Variants in DNAJC4 observed in about 807,000 individuals in gnomAD.
DNAJC4 encodes DnaJ heat shock protein family (Hsp40) member C4, also known as dnaJ homolog subfamily C member 4.
DNAJC4 carries 26 observed loss-of-function variants against 26.8 expected under a neutral mutation model. The observed-to-expected ratio is 0.97, with a 90% CI of 0.71 to 1.34. The LOEUF (loss-of-function observed/expected upper bound fraction) is 1.34. Ranked by LOEUF, DNAJC4 falls within the 40% of genes most tolerant of loss-of-function variation. DNAJC4 has a pLI of 0.00. For missense variants in DNAJC4, 342 were observed against 321.1 expected, an observed-to-expected ratio of 1.07 and a Z score of -0.50; for synonymous variants, 134 against 127.8, an observed-to-expected ratio of 1.05 and a Z score of -0.33.
chr11:64,234,261 C>A lies in DNAJC4; in HGVS notation c.*77C>A. On this transcript the variant is annotated 3_prime_UTR_variant, in exon 6 of 6. Coordinates refer to ENST00000628077, the MANE Select transcript of DNAJC4 (RefSeq NM_005528.4). This position sits in a 1 kb window ranked among gnomAD's most constrained non-coding sequence, Gnocchi z 5.3. Reference sequence around the variant, plus strand: ...TGGACGGCCCGCTCCCCGAAACGCGCGCAATAAAGTGATTCGCAGAGCTCG... The same window carrying A: ...TGGACGGCCCGCTCCCCGAAACGCGAGCAATAAAGTGATTCGCAGAGCTCG... The A allele has an allele frequency of 6.7e-7, 1 of 1,486,724 alleles. No individual in the cohort carries two copies. The highest frequency in any genetic ancestry group is 9.0e-7 in the Non-Finnish European group (1 of 1,114,634). 92.1% of individuals were successfully genotyped at this position (1,486,724 alleles called of 1,614,324 possible).
intron 1 of DNAJC4, chr11:64,231,283 A>C: frequency 2.8e-6 from 1 of 355,226 alleles, no homozygotes; most frequent in Non-Finnish European, 5.3e-6. Flanking sequence ...TGCTCTGGAG[A>C]TTCTGAACTG....
chr11:64,232,635 G>C lies in DNAJC4; in HGVS notation c.365+21G>C, dbSNP rs778629748. 3.2e-6 allele frequency: 5 copies of C among 1,580,592 alleles called. No homozygotes were observed. The African/African-American group carries it at 5.4e-5, about 17-fold the overall frequency. On this transcript the variant is annotated intron_variant, in intron 3 of 5. Transcript: ENST00000628077. ...CACAGGTACAGTAATCCTGCCCTCA[G>C]CTTGCCCCACCCCCAGGTCTCTTGG...
intron 2 of DNAJC4, chr11:64,232,217 T>A (rs1251341968): frequency 9.6e-6 from 7 of 725,420 alleles, no homozygotes; most frequent in East Asian, 8.1e-5. Context: ...ATATGGTGAA[T>A]GCAGGGGGCT....
At position 64,232,555 on chromosome 11, in the gene DNAJC4, T is replaced by G. The variant is rs766577923; in HGVS notation, c.306T>G (p.Gly102=). ...GCTATGATGACCAGCTCCGCTCAGG[T>G]AGTCCCCCAAAGTCTCCACGAACCA... is the stretch of plus-strand genomic sequence containing the variant. ...RRSYDDQLRS[G]SPPKSPRTTV... Residue 102 remains glycine, a synonymous_variant, in exon 3 of 6, where the codon GGT becomes GGG. Coordinates refer to ENST00000628077, the MANE Select transcript of DNAJC4 (RefSeq NM_005528.4). 10 of 1,612,584 alleles carry G rather than the reference T, an allele frequency of 6.2e-6. No homozygotes were observed. In the South Asian group the frequency reaches 1.1e-4, roughly 18 times the overall value.
intron 4 of DNAJC4, 105 bp downstream of exon 4, chr11:64,232,970 G>C (rs1407213462): frequency 7.4e-7 from 1 of 1,343,230 alleles, no homozygotes; most frequent in Non-Finnish European, 9.8e-7. Context: ...GTACTCTTGT[G>C]TCTCTCAAGC....
Position 64,230,712 on chromosome 11 carries a change from C to T in DNAJC4, c.-143C>T, listed in dbSNP as rs948423403. 1.7e-6 allele frequency: 2 copies of T among 1,172,876 alleles called. No homozygotes were observed. The highest frequency in any genetic ancestry group is 1.9e-4 in the Middle Eastern group (1 of 5,184). The allele number at this position is 1,172,876 out of a possible 1,614,324, so 72.7% of individuals were successfully genotyped here. ...GGGTCTGGTCCTGGGCAAGAACCGC[C>T]CCCTCTCCGGGCCTGCTTCAGTCTT... On this transcript the variant is annotated 5_prime_UTR_variant, in exon 1 of 6. Transcript: ENST00000628077.
Position 64,230,662 on chromosome 11 carries a change from G to A in DNAJC4, c.-193G>A. 1 of 749,396 alleles carries A rather than the reference G, an allele frequency of 1.3e-6. No homozygotes were observed. Among genetic ancestry groups the A allele is most frequent in the South Asian group, 1.7e-5 (1 of 57,668 alleles). The allele number at this position is 749,396 out of a possible 1,614,324, so 46.4% of individuals were successfully genotyped here. ...AAGGGCTGCGGATGCCCGGGTCAGA[G>A]GAAGGGGCAGGTCCAAGGACACGCG... On this transcript the variant is annotated 5_prime_UTR_variant, in exon 1 of 6. Transcript: ENST00000628077.
At chr11:64,232,358 G>A in intron 2 of DNAJC4, 72 bp from the exon 3 acceptor site, 1 of 1,491,618 alleles carries the variant, frequency 6.7e-7, no homozygotes, top group Middle Eastern at 2.5e-4. Context: ...GCCCTGGTGG[G>A]TGGATGTCAT....
intron 2 of DNAJC4, 103 bp downstream of exon 2, chr11:64,232,067 A>G: frequency 8.2e-7 from 1 of 1,217,904 alleles, no homozygotes; most frequent in Admixed American, 1.9e-5. Context: ...CGGGTGCCAC[A>G]TTTTTTCAGC....
chr11:64,231,088 A>T (rs1312215723), intron 1 of DNAJC4, 148 bp downstream of exon 1: 8 of 1,067,680 alleles, frequency 7.5e-6, no homozygotes, highest in African/African-American at 1.6e-5. Flanking sequence ...GATCAGAGAT[A>T]GAGAAGACCC....
At position 64,230,858 on chromosome 11, in the gene DNAJC4, C is replaced by A; in HGVS notation, c.4C>A (p.Pro2Thr). 2.5e-6 allele frequency: 4 copies of A among 1,599,292 alleles called. No individual in the cohort carries two copies. Among genetic ancestry groups the A allele is most frequent in the Non-Finnish European group, 3.4e-6 (4 of 1,175,096 alleles). The change falls in exon 1 of 6, where the codon CCG becomes ACG. Residue 2 changes from proline (P) to threonine (T), a missense_variant. Coordinates refer to ENST00000628077, the MANE Select transcript of DNAJC4 (RefSeq NM_005528.4). M[P>T]PLLPLRLCRL... ...TCCCAGCTGCCCGCCCGCCGCCATG[C>A]CGCCCTTACTGCCCCTGCGCCTGTG...
chr11:64,231,340 T>C (rs933756489), intron 1 of DNAJC4: 3 of 198,920 alleles, frequency 1.5e-5, no homozygotes, highest in Non-Finnish European at 2.8e-5. Context: ...TTTCTCTTTT[T>C]CCTTTTTTTT....
At position 64,232,243 on chromosome 11, in the gene DNAJC4, C is replaced by A. The variant is rs567290613; in HGVS notation, c.181-187C>A. On this transcript the variant is annotated intron_variant, in intron 2 of 5. Transcript: ENST00000628077. ...GCAGGGGGCTGGCAGGTGGGGAGGG[C>A]TTGAACACAGGAGGAAGCAGGAGTC... 7.3e-5 allele frequency: 59 copies of A among 804,134 alleles called. No homozygotes were observed. The African/African-American group carries it at 9.2e-4, about 13-fold the overall frequency. The allele number at this position is 804,134 out of a possible 1,614,324, so 49.8% of individuals were successfully genotyped here.
rs143447723 is a variant in DNAJC4, at chr11:64,231,160, G to A, written c.86+220G>A. The stretch of plus-strand genomic sequence containing the variant: ...AGTTTGAGTCCAGGTCAAACCCAAC[G>A]CTCTTACCACAGCTCTAGTGGTTTC... On this transcript the variant is annotated intron_variant, in intron 1 of 5. Transcript: ENST00000628077. The A allele has an allele frequency of 1.2e-5, 8 of 690,442 alleles. No individual in the cohort carries two copies. The African/African-American group carries it at 1.4e-4, about 12-fold the overall frequency. 42.8% of individuals were successfully genotyped at this position (690,442 alleles called of 1,614,324 possible).
At position 64,232,458 on chromosome 11, in the gene DNAJC4, C is replaced by G. The variant is rs571900284; in HGVS notation, c.209C>G (p.Pro70Arg). ...CACCCAGACCGGGACCCTGGGAACCCAAGCCTGCACAGCCGCTTTGTGGAG... is the reference window on the plus strand; with the variant it reads ...CACCCAGACCGGGACCCTGGGAACCGAAGCCTGCACAGCCGCTTTGTGGAG... ...ELHPDRDPGN[P>R]SLHSRFVELS... Residue 70 changes from proline to arginine, a missense_variant, in exon 3 of 6, where the codon CCA becomes CGA. Pro to Arg is a moderately radical substitution (Grantham distance 103). Coordinates refer to ENST00000628077, the MANE Select transcript of DNAJC4 (RefSeq NM_005528.4). 5.4e-5 allele frequency: 86 copies of G among 1,600,756 alleles called. No homozygotes were observed. The highest frequency in any genetic ancestry group is 2.9e-4 in the Admixed American group (17 of 59,128).
In DNAJC4 at chr11:64,230,860, G is replaced by T. The variant is rs766844176; in HGVS notation, c.6G>T (p.Pro2=). Reference sequence around the variant, plus strand: ...CCAGCTGCCCGCCCGCCGCCATGCCGCCCTTACTGCCCCTGCGCCTGTGCC... The same window carrying T: ...CCAGCTGCCCGCCCGCCGCCATGCCTCCCTTACTGCCCCTGCGCCTGTGCC... The part of the protein sequence containing the change: M[P]PLLPLRLCRL... The change falls in exon 1 of 6, where the codon CCG becomes CCT. Residue 2 remains proline, a synonymous_variant. Coordinates refer to ENST00000628077, the MANE Select transcript of DNAJC4 (RefSeq NM_005528.4). 6 of 1,599,606 alleles carry T rather than the reference G, an allele frequency of 3.8e-6. No individual in the cohort carries two copies. The highest frequency in any genetic ancestry group is 1.3e-5 in the African/African-American group (1 of 74,648).
chr11:64,232,945 A>G (rs1947196580), intron 4 of DNAJC4, 80 bp downstream of exon 4: 2 of 1,449,822 alleles, frequency 1.4e-6, no homozygotes, highest in Middle Eastern at 1.9e-4. Context: ...AGTCCTCCAC[A>G]GCACCTCGTG....
chr11:64,230,750 A>T lies in DNAJC4; in HGVS notation c.-105A>T. On this transcript the variant is annotated 5_prime_UTR_variant, in exon 1 of 6. Transcript: ENST00000628077. ...CTGCTTCAGTCTTCCTTTGCAGAAC[A>T]ACGGGCCAGGCCCCTTCCCTCTGCC... 2.1e-6 allele frequency: 3 copies of T among 1,458,698 alleles called. No homozygotes were observed. Among genetic ancestry groups the T allele is most frequent in the Non-Finnish European group, 2.8e-6 (3 of 1,076,328 alleles). The allele number at this position is 1,458,698 out of a possible 1,614,324, so 90.4% of individuals were successfully genotyped here.
In DNAJC4 at chr11:64,231,863, G is replaced by C. The variant is rs1447130231; in HGVS notation, c.87-8G>C. 1 of 1,613,992 alleles carries C rather than the reference G, an allele frequency of 6.2e-7. No homozygotes were observed. Among genetic ancestry groups the C allele is most frequent in the South Asian group, 1.1e-5 (1 of 91,080 alleles). On this transcript the variant is annotated splice_region_variant and splice_polypyrimidine_tract_variant and intron_variant, in intron 1 of 5. Transcript: ENST00000628077. ...CAGCCCCTGCAAGGTTTGGGACTCT[G>C]TCCACAGGTCCAGACCCAGTACTTA...
Sources: allele counts gnomAD v4.1 joint callset, GRCh38; gene constraint gnomAD v4.1.1; non-coding constraint Gnocchi (gnomAD v3.1); transcripts MANE v1.5; gene names NCBI Gene and HGNC (gene_info 2026-07-23, HGNC 2026-07-21).